The following SMAD1 variants were observed in gnomAD, a reference collection of about 807,000 sequenced individuals.
The protein encoded by SMAD1 is SMAD family member 1.
A neutral mutation model predicts 41.6 loss-of-function variants in SMAD1; 6 were observed. That is an observed-to-expected ratio of 0.14 (90% CI 0.08 to 0.28). The LOEUF (loss-of-function observed/expected upper bound fraction) is 0.28. Among genes scored for constraint, SMAD1 ranks in the 10% least tolerant of loss-of-function variants. The probability of loss-of-function intolerance (pLI) is 1.00; values close to 1 mark genes in which losing one functional copy is unlikely to be tolerated. For missense variants in SMAD1, 379 were observed against 582.6 expected, an observed-to-expected ratio of 0.65 and a Z score of 3.60; for synonymous variants, 206 against 203.2, an observed-to-expected ratio of 1.01 and a Z score of -0.12.
At chr4:145,501,630 G>T (rs1330284594) in intron 1 of SMAD1, among the ~76,000 whole-genome samples, 1 of 145,056 alleles carries the variant, frequency 6.9e-6, no homozygotes, top group African/African-American at 2.8e-5. Context: ...AATACAGCAG[G>T]ATTTTTGTTT....
intron 2 of SMAD1, among the ~76,000 whole-genome samples, chr4:145,529,286 C>T (rs948042229): frequency 2.0e-5 from 3 of 151,910 alleles, no homozygotes; most frequent in East Asian, 1.9e-4. Flanking sequence ...TAACAACTCT[C>T]GAAGTCTCTA....
rs1378750026 is a variant in SMAD1, at chr4:145,535,351, TAC to T, written c.401-4450_401-4449del. ...CACATCTAGGAATTTGCCCTGAAGA[TAC>T]ACCTTTGACAGTGCTACCATATATA... On this transcript the variant is annotated intron_variant, in intron 2 of 6. Coordinates refer to ENST00000302085, the MANE Select transcript of SMAD1 (RefSeq NM_005900.3). Among the ~76,000 whole-genome samples, 3 of 152,218 alleles carry T rather than the reference TAC, an allele frequency of 2.0e-5. No individual in the cohort carries two copies. The East Asian group carries it at 5.8e-4, about 29-fold the overall frequency.
chr4:145,518,566 C>T lies in SMAD1; in HGVS notation c.400+3553C>T, dbSNP rs1275111951. ...AATTGAAGCCCTCTATAAAGCCGTA[C>T]AGAGTACACCTGGGTATTGTTTTTG... On this transcript the variant is annotated intron_variant, in intron 2 of 6. Transcript: ENST00000302085. 1.6e-5 allele frequency among the ~76,000 whole-genome samples: 2 copies of T among 124,884 alleles called. 1 individual carries two copies. Among genetic ancestry groups the T allele is most frequent in the Non-Finnish European group, 3.9e-5 (2 of 50,926 alleles). The allele number at this position is 124,884 out of a possible 152,430, so 81.9% of individuals were successfully genotyped here.
chr4:145,498,994 T>C (rs998154296), intron 1 of SMAD1, among the ~76,000 whole-genome samples: 2 of 152,194 alleles, frequency 1.3e-5, no homozygotes, highest in African/African-American at 4.8e-5. Flanking sequence ...ACCTTTTACC[T>C]CTTATTGCCA....
chr4:145,537,429 G>T (rs1445229815), intron 2 of SMAD1, among the ~76,000 whole-genome samples: 1 of 152,066 alleles, frequency 6.6e-6, no homozygotes, highest in Non-Finnish European at 1.5e-5. Flanking sequence ...GGTGAATCTG[G>T]GTAAAGGGTA....
chr4:145,498,894 A>G (rs1349558379), intron 1 of SMAD1, among the ~76,000 whole-genome samples: 6 of 152,204 alleles, frequency 3.9e-5, no homozygotes, highest in Non-Finnish European at 8.8e-5. Context: ...TAGAACACGA[A>G]TATACTTGAA....
At chr4:145,515,934 G>T (rs1285789949) in intron 2 of SMAD1, among the ~76,000 whole-genome samples, 2 of 152,112 alleles carry the variant, frequency 1.3e-5, no homozygotes, top group Non-Finnish European at 2.9e-5. Context: ...GTAGCTATTG[G>T]ATTGGTGTTT....
intron 1 of SMAD1, among the ~76,000 whole-genome samples, chr4:145,494,633 A>G (rs917523597): frequency 6.6e-6 from 1 of 152,218 alleles, no homozygotes; most frequent in Non-Finnish European, 1.5e-5. Flanking sequence ...GGGTTATGGT[A>G]AGGAAGCTTT....
chr4:145,497,041 T>G (rs1729119156), intron 1 of SMAD1: 1 of 152,224 alleles, frequency 6.6e-6, no homozygotes, highest in Non-Finnish European at 1.5e-5. Flanking sequence ...TCCACAGCAA[T>G]TTTTGAATCT....
At chr4:145,526,396 C>T (rs780219818) in intron 2 of SMAD1, among the ~76,000 whole-genome samples, 1 of 152,124 alleles carries the variant, frequency 6.6e-6, no homozygotes, top group Non-Finnish European at 1.5e-5. Flanking sequence ...GAAAAGTTTA[C>T]CCAGGGTATG....
chr4:145,531,596 C>G (rs1381745596), intron 2 of SMAD1, among the ~76,000 whole-genome samples: 3 of 152,248 alleles, frequency 2.0e-5, no homozygotes, highest in African/African-American at 2.4e-5. Flanking sequence ...AGAAGACTTG[C>G]AGAATTTAGA....
intron 1 of SMAD1, chr4:145,513,353 A>C (rs1010162734): frequency 1.3e-5 from 2 of 152,152 alleles, no homozygotes; most frequent in Non-Finnish European, 2.9e-5. Context: ...GGTTGGTCTG[A>C]TACGTGCTAC....
intron 1 of SMAD1, among the ~76,000 whole-genome samples, chr4:145,507,869 T>C (rs547981946): frequency 6.6e-6 from 1 of 152,268 alleles, no homozygotes; most frequent in East Asian, 1.9e-4. Context: ...ATGGACTCAT[T>C]TGAGTTCCTT....
intron 1 of SMAD1, among the ~76,000 whole-genome samples, chr4:145,488,170 A>G (rs905113187): frequency 6.6e-6 from 1 of 151,998 alleles, no homozygotes; most frequent in Non-Finnish European, 1.5e-5. Context: ...TTGGTTTCTT[A>G]ACAAATATTT....
intron 1 of SMAD1, among the ~76,000 whole-genome samples, chr4:145,487,803 T>C (rs1728554724): frequency 6.6e-6 from 1 of 152,232 alleles, no homozygotes; most frequent in African/African-American, 2.4e-5. Context: ...CTGTAGCTAT[T>C]GCGGGCTGAC....
intron 1 of SMAD1, among the ~76,000 whole-genome samples, chr4:145,491,725 A>G (rs997259079): frequency 6.6e-6 from 1 of 152,212 alleles, no homozygotes; most frequent in Non-Finnish European, 1.5e-5. Context: ...GTTTTCGTCC[A>G]GGAGTTTCCT....
In SMAD1 at chr4:145,514,658, G is replaced by T. The variant is rs1314342936; in HGVS notation, c.45G>T (p.Lys15Asn). 1.2e-6 allele frequency: 2 copies of T among 1,613,286 alleles called. No homozygotes were observed. The highest frequency in any genetic ancestry group is 1.7e-6 in the Non-Finnish European group (2 of 1,179,820). Residue 15 changes from lysine (K) to asparagine (N), a missense_variant, in exon 2 of 7, where the codon AAG becomes AAT. Lys to Asn is a moderately conservative substitution (Grantham distance 94). Transcript: ENST00000302085. This position sits in a 1 kb window ranked among gnomAD's most constrained non-coding sequence, Gnocchi z 4.7. ...SLFSFTSPAV[K>N]RLLGWKQGDE... ...TTTCCTTTACAAGTCCAGCTGTGAA[G>T]AGACTTCTTGGGTGGAAACAGGGCG...
Position 145,539,911 on chromosome 4 carries a change from G to A in SMAD1, c.508G>A (p.Ala170Thr), listed in dbSNP as rs1731824474. The A allele has an allele frequency of 3.7e-6, 6 of 1,613,664 alleles. No homozygotes were observed. The highest frequency in any genetic ancestry group is 1.3e-5 in the African/African-American group (1 of 74,814). The part of the protein sequence containing the change: ...GQNEPHMPLN[A>T]TFPDSFQQPN... ...AAATGAGCCTCACATGCCACTCAAC[G>A]CCACTTTTCCAGATTCTTTCCAGCA... Residue 170 changes from alanine (A) to threonine (T), a missense_variant, in exon 3 of 7, where the codon GCC (alanine) becomes ACC (threonine). Ala to Thr is a moderately conservative substitution (Grantham distance 58, BLOSUM62 0). Transcript: ENST00000302085.
chr4:145,525,522 C>T (rs570163133), intron 2 of SMAD1, among the ~76,000 whole-genome samples: 1 of 152,254 alleles, frequency 6.6e-6, no homozygotes, highest in Admixed American at 6.5e-5. Flanking sequence ...TGTTAATTTG[C>T]CAGTTTGGCT....
Sources: allele counts gnomAD v4.1 joint callset (sites outside exome capture counted in the v4.1 genomes callset), GRCh38; gene constraint gnomAD v4.1.1; non-coding constraint Gnocchi (gnomAD v3.1); transcripts MANE v1.5; gene names NCBI Gene and HGNC (gene_info 2026-07-23, HGNC 2026-07-21).